The following BCLAF3 variants were observed in gnomAD, a reference collection of about 807,000 sequenced individuals.
BCLAF3 encodes BCLAF1 and THRAP3 family member 3, also known as transient octamer binding factor 1.
Under a neutral mutation model 51.2 loss-of-function variants are expected in BCLAF3, and 24 were observed. That is an observed-to-expected ratio of 0.47 (90% CI 0.34 to 0.66). The LOEUF is 0.66. BCLAF3 is among the 30% of genes least tolerant of loss of function. The pLI, the probability that BCLAF3 is intolerant of heterozygous loss-of-function variation, is 0.01. For synonymous variants in BCLAF3, 152 were observed against 176.6 expected (o/e 0.86, Z 1.10); for missense variants, 465 against 525.1 (o/e 0.89, Z 1.12).
chrX:19,978,556 A>T (rs1219608360), intron 1 of BCLAF3, among the ~76,000 whole-genome samples: 4 of 112,300 alleles, frequency 3.6e-5, no homozygotes, highest in Admixed American at 2.8e-4. Flanking sequence ...TGAGCAAAGA[A>T]AGTGGTTTCT....
chrX:19,945,087 T>A (rs1416820843), intron 8 of BCLAF3, among the ~76,000 whole-genome samples: 10 of 110,386 alleles, frequency 9.1e-5, no homozygotes, highest in African/African-American at 3.3e-4. Flanking sequence ...GGCTTCTGCA[T>A]TCTTCACGTA....
At chrX:19,924,066 C>CT (rs755253701) in intron 11 of BCLAF3, among the ~76,000 whole-genome samples, 3 of 110,767 alleles carry the variant, frequency 2.7e-5, no homozygotes, top group African/African-American at 9.8e-5. Flanking sequence ...TCCCAAAGCG[C>CT]TGGGATTACA....
rs780753038 is a variant in BCLAF3, at chrX:19,929,830, T to A, written c.2061A>T (p.Gly687=). The change falls in exon 11 of 12, where the codon GGA becomes GGT. Residue 687 remains glycine (G), a synonymous_variant. Transcript: ENST00000379682. ...YQRLRFTGPR[G]FITHKFRERL... ...TTTCTCTGAACTTATGAGTGATAAA[T>A]CCCCTTGGGCCAGTGAACCGTAAAC... The A allele has an allele frequency of 8.3e-7, 1 of 1,209,253 alleles. No homozygotes were observed. Among genetic ancestry groups the A allele is most frequent in the Non-Finnish European group, 1.1e-6 (1 of 894,336 alleles).
At chrX:19,946,477 A>C (rs1225591059) in intron 8 of BCLAF3, among the ~76,000 whole-genome samples, 2 of 111,148 alleles carry the variant, frequency 1.8e-5, no homozygotes, top group East Asian at 5.7e-4. Flanking sequence ...TCCTACCTCT[A>C]ATCTTTTTTT....
chrX:19,920,355 T>A (rs1009528546), intron 11 of BCLAF3, among the ~76,000 whole-genome samples: 1 of 111,577 alleles, frequency 9.0e-6, no homozygotes, highest in African/African-American at 3.3e-5. Context: ...GTCGTCTGAG[T>A]CCTAGCAAAA....
At position 19,945,104 on chromosome X, in the gene BCLAF3, A is replaced by G. The variant is rs369893112; in HGVS notation, c.1745+5649T>C. Among the ~76,000 whole-genome samples the G allele has an allele frequency of 9.5e-3, 1,044 of 109,899 alleles. 9 individuals carry two copies. The highest frequency in any genetic ancestry group is 0.018 in the Middle Eastern group (4 of 217). On this transcript the variant is annotated intron_variant, in intron 8 of 11. Coordinates refer to ENST00000379682, the MANE Select transcript of BCLAF3 (RefSeq NM_001367774.2). ...CTTCTGCATTCTTCACGTAGTTCTC[A>G]AGCCTTGGTTTTCAGCTCCATCAGC...
rs2072510341 is a variant in BCLAF3, at chrX:19,978,684, T to G, written c.-34-8386A>C. On this transcript the variant is annotated intron_variant, in intron 1 of 11. Coordinates refer to ENST00000379682, the MANE Select transcript of BCLAF3 (RefSeq NM_001367774.2). The stretch of plus-strand genomic sequence containing the variant: ...AGTAGCAGGGTTTGACAGGTTTACT[T>G]TAATTTTGATGGAAGTGCTACTGTG... 2.7e-5 allele frequency among the ~76,000 whole-genome samples: 3 copies of G among 112,132 alleles called. No homozygotes were observed. The South Asian group carries it at 1.1e-3, about 41-fold the overall frequency.
intron 8 of BCLAF3, among the ~76,000 whole-genome samples, chrX:19,950,037 A>G (rs1284394006): frequency 8.9e-6 from 1 of 111,836 alleles, no homozygotes; most frequent in East Asian, 2.8e-4. Context: ...AAATCTACTG[A>G]GGATCTATTT....
At chrX:19,969,851 G>A (rs1423453712) in intron 2 of BCLAF3, among the ~76,000 whole-genome samples, 1 of 112,096 alleles carries the variant, frequency 8.9e-6, no homozygotes, top group African/African-American at 3.2e-5. Context: ...ATTCTGCCAT[G>A]AAGAAGAAAG....
chrX:19,952,901 C>G, intron 7 of BCLAF3, 87 bp downstream of exon 7: 1 of 698,083 alleles, frequency 1.4e-6, no homozygotes, highest in Non-Finnish European at 2.1e-6. Flanking sequence ...TGTACTTTAA[C>G]TCCCTTTTCT....
chrX:19,975,337 T>TC (rs1226049175), intron 1 of BCLAF3, among the ~76,000 whole-genome samples: 4 of 110,299 alleles, frequency 3.6e-5, no homozygotes, highest in Admixed American at 1.9e-4. Context: ...CTTTTTTTTT[T>TC]CCCTTCCTTT....
In BCLAF3 at chrX:19,937,459, T is replaced by G; in HGVS notation, c.1819A>C (p.Ile607Leu). ...TDGFQKPTHF[I>L]KSNFRKCIEK... is the part of the protein sequence containing the mutation. Reference sequence around the variant, plus strand: ...ATACATTTTCTAAAATTTGATTTTATAAAATGTGTGGGTTTTTGGAATCCA... The same window carrying G: ...ATACATTTTCTAAAATTTGATTTTAGAAAATGTGTGGGTTTTTGGAATCCA... Residue 607 changes from isoleucine to leucine, a missense_variant, in exon 9 of 12, where the codon ATA becomes CTA. By Grantham distance (5) the Ile-to-Leu change is conservative (BLOSUM62 2). Transcript: ENST00000379682. 1 of 1,185,704 alleles carries G rather than the reference T, an allele frequency of 8.4e-7. No individual in the cohort carries two copies.
chrX:19,966,945 C>A lies in BCLAF3; in HGVS notation c.42-296G>T, dbSNP rs201968566. On this transcript the variant is annotated intron_variant, in intron 2 of 11. Coordinates refer to ENST00000379682, the MANE Select transcript of BCLAF3 (RefSeq NM_001367774.2). Reference sequence around the variant, plus strand: ...GCCAGCTTAGGTGCACAGCAGGATCCATTTTGGAAGACTGCTGACAGCAAA... The same window carrying A: ...GCCAGCTTAGGTGCACAGCAGGATCAATTTTGGAAGACTGCTGACAGCAAA... Among the ~76,000 whole-genome samples, 4 of 111,153 alleles carry A rather than the reference C, an allele frequency of 3.6e-5. No individual in the cohort carries two copies. In the East Asian group the frequency reaches 1.1e-3, roughly 31 times the overall value.
intron 10 of BCLAF3, among the ~76,000 whole-genome samples, chrX:19,932,676 T>C (rs746155824): frequency 3.2e-4 from 35 of 109,147 alleles, no homozygotes; most frequent in Non-Finnish European, 5.7e-4. Flanking sequence ...GGACTACAGG[T>C]ACATGCCATC....
At chrX:19,939,380 G>C (rs1222416668) in intron 8 of BCLAF3, among the ~76,000 whole-genome samples, 2 of 111,789 alleles carry the variant, frequency 1.8e-5, no homozygotes, top group Non-Finnish European at 3.8e-5. Flanking sequence ...TATCTGATGA[G>C]GGAGCTGTAT....
chrX:19,936,825 G>A (rs866379347), intron 9 of BCLAF3, among the ~76,000 whole-genome samples: 3 of 111,148 alleles, frequency 2.7e-5, no homozygotes, highest in Non-Finnish European at 5.6e-5. Context: ...GGGGAGTAAC[G>A]AAACAGGCAT....
At chrX:19,984,907 A>C (rs908505180) in intron 1 of BCLAF3, among the ~76,000 whole-genome samples, 1 of 111,851 alleles carries the variant, frequency 8.9e-6, no homozygotes, top group African/African-American at 3.2e-5. Context: ...GGCTGGTCTT[A>C]AACTCCCGAC....
chrX:19,955,693 TCCATGCC>T, intron 4 of BCLAF3, 127 bp from the exon 5 acceptor site: 1 of 492,160 alleles, frequency 2.0e-6, no homozygotes, highest in Non-Finnish European at 3.2e-6. Context: ...GGCACTAAAT[TCCATGCC>T]ATAAAACATG....
At position 19,915,231 on chromosome X, in the gene BCLAF3, C is replaced by A. The variant is rs781613718; in HGVS notation, c.*2074G>T. The A allele has an allele frequency of 8.9e-6, 1 of 111,842 alleles. No individual in the cohort carries two copies. The highest frequency in any genetic ancestry group is 1.9e-5 in the Non-Finnish European group (1 of 53,134). 9.2% of individuals were successfully genotyped at this position (111,842 alleles called of 1,213,427 possible). A position where few individuals can be genotyped will look rare whatever the true frequency, so the allele number is the denominator to read the frequency against. On this transcript the variant is annotated 3_prime_UTR_variant, in exon 12 of 12. Coordinates refer to ENST00000379682, the MANE Select transcript of BCLAF3 (RefSeq NM_001367774.2). ...CCATATGAAAATTACACATGTAGTT[C>A]CTAATAAACATATTCTATTATTCCC...
Sources: gnomAD v4.1 joint callset for allele counts (sites outside exome capture counted in the v4.1 genomes callset) on GRCh38, gnomAD v4.1.1 for gene constraint, MANE v1.5 for transcripts, NCBI Gene and HGNC (gene_info 2026-07-23, HGNC 2026-07-21) for gene names.